The following IQGAP3 variants were observed in gnomAD, a reference collection of about 807,000 sequenced individuals.
IQGAP3 encodes the protein IQ motif containing GTPase activating protein 3.
IQGAP3 carries 165 observed loss-of-function variants against 208.2 expected under a neutral mutation model. The ratio of observed to expected loss-of-function variants is 0.79; its 90% CI spans 0.70 to 0.90. The LOEUF (loss-of-function observed/expected upper bound fraction) is 0.90. Among genes scored for constraint, IQGAP3 ranks in the 40% least tolerant of loss-of-function variants. The pLI, the probability that IQGAP3 is intolerant of heterozygous loss-of-function variation, is 0.00. For synonymous variants in IQGAP3, 703 were observed against 803.6 expected, an observed-to-expected ratio of 0.87 and a Z score of 2.12; for missense variants, 1,811 against 2,043.1, an observed-to-expected ratio of 0.89 and a Z score of 2.19.
chr1:156,570,136 C>CT (rs1175054818), intron 1 of IQGAP3, among the ~76,000 whole-genome samples: 1 of 152,190 alleles, frequency 6.6e-6, no homozygotes, highest in East Asian at 1.9e-4. Context: ...TGGTTACTCT[C>CT]TCAGAGGTGA....
At chr1:156,566,635 A>T (rs1422408039) in intron 2 of IQGAP3, 89 bp from the exon 3 acceptor site, 3 of 1,284,616 alleles carry the variant, frequency 2.3e-6, no homozygotes, top group Non-Finnish European at 3.3e-6. Context: ...CCCTCCTTTT[A>T]AGTGGCCCCT....
At chr1:156,529,559 C>A (rs1460287577) in intron 34 of IQGAP3, among the ~76,000 whole-genome samples, 2 of 151,952 alleles carry the variant, frequency 1.3e-5, no homozygotes. Flanking sequence ...CTAAGGTGGG[C>A]AGATTACTTG....
intron 2 of IQGAP3, among the ~76,000 whole-genome samples, chr1:156,567,069 G>A (rs1324015531): frequency 3.9e-5 from 6 of 152,072 alleles, no homozygotes; most frequent in African/African-American, 7.2e-5. Context: ...GTTTCTCCAT[G>A]TTGGTCAGGC....
intron 31 of IQGAP3, 52 bp from the exon 32 acceptor site, chr1:156,533,158 C>T: frequency 6.2e-7 from 1 of 1,602,396 alleles, no homozygotes; most frequent in Non-Finnish European, 8.5e-7. Context: ...CACACATGCG[C>T]ACACACACAT....
intron 2 of IQGAP3, among the ~76,000 whole-genome samples, chr1:156,568,508 C>T (rs1676502641): frequency 1.3e-5 from 2 of 152,202 alleles, no homozygotes; most frequent in East Asian, 1.9e-4. Context: ...TGAGCCACAG[C>T]GCCCATCCAG....
intron 31 of IQGAP3, 38 bp from the exon 32 acceptor site, chr1:156,533,144 C>T: frequency 6.2e-7 from 1 of 1,604,160 alleles, no homozygotes; most frequent in Non-Finnish European, 8.5e-7. Flanking sequence ...GACAGGCATA[C>T]ACACACACAT....
intron 12 of IQGAP3, 122 bp downstream of exon 12, chr1:156,556,411 C>A: frequency 1.1e-6 from 1 of 876,868 alleles, no homozygotes; most frequent in African/African-American, 1.7e-5. Context: ...TAGCTCTTTC[C>A]CCATCCTAAT....
At chr1:156,552,320 T>C (rs765401668) in intron 13 of IQGAP3, among the ~76,000 whole-genome samples, 4 of 152,162 alleles carry the variant, frequency 2.6e-5, no homozygotes, top group Admixed American at 1.3e-4. Context: ...CTCTTCTCTC[T>C]CCATACTTAC....
At chr1:156,567,835 G>A (rs148767302) in intron 2 of IQGAP3, among the ~76,000 whole-genome samples, 133 of 152,322 alleles carry the variant, frequency 8.7e-4, no homozygotes, top group African/African-American at 3.2e-3. Context: ...ATGAGGGAAT[G>A]TTCTTTAGGA....
intron 22 of IQGAP3, among the ~76,000 whole-genome samples, chr1:156,541,211 C>T (rs1453173186): frequency 6.6e-6 from 1 of 151,992 alleles, no homozygotes. Context: ...ACACCAAAGC[C>T]AGAGCCACAG....
intron 5 of IQGAP3, among the ~76,000 whole-genome samples, chr1:156,564,200 A>G (rs1189503897): frequency 6.6e-6 from 1 of 152,146 alleles, no homozygotes; most frequent in African/African-American, 2.4e-5. Flanking sequence ...CATGGTAAAC[A>G]CAAGGAACCG....
In IQGAP3 at chr1:156,555,111, T is replaced by A. The variant is rs114095596; in HGVS notation, c.1291-719A>T. 4.9e-3 allele frequency among the ~76,000 whole-genome samples: 747 copies of A among 151,890 alleles called. 5 individuals are homozygous for A. The highest frequency in any genetic ancestry group is 0.017 in the African/African-American group (718 of 41,412). On this transcript the variant is annotated intron_variant, in intron 12 of 37. Coordinates refer to ENST00000361170, the MANE Select transcript of IQGAP3 (RefSeq NM_178229.5). ...TGGGTATACAGAGATGAAGATGGAG[T>A]GGTCGCCTCCACACTGCACTGCACC...
chr1:156,555,573 A>C (rs1247460437), intron 12 of IQGAP3, among the ~76,000 whole-genome samples: 2 of 152,188 alleles, frequency 1.3e-5, no homozygotes. Flanking sequence ...CAACAACAAT[A>C]ATATTAATAG....
chr1:156,563,363 T>G (rs371077823), intron 7 of IQGAP3, 51 bp from the exon 8 acceptor site: 1 of 1,534,088 alleles, frequency 6.5e-7, no homozygotes, highest in Middle Eastern at 1.8e-4. Flanking sequence ...AATCCCAGAT[T>G]GGAGCGCAAC....
intron 11 of IQGAP3, among the ~76,000 whole-genome samples, chr1:156,559,533 G>A (rs987511838): frequency 2.0e-5 from 3 of 152,176 alleles, no homozygotes; most frequent in African/African-American, 4.8e-5. Context: ...TCCACCTCCC[G>A]CCACCCCCAC....
At chr1:156,569,526 G>GTA in intron 1 of IQGAP3, 63 bp from the exon 2 acceptor site, 62 of 376,310 alleles carry the variant, frequency 1.6e-4, no homozygotes, top group Non-Finnish European at 2.1e-4. Context: ...GCACTGAAGG[G>GTA]TCTTTTTTTT....
At chr1:156,529,858 T>C (rs1432698055) in intron 34 of IQGAP3, among the ~76,000 whole-genome samples, 2 of 139,498 alleles carry the variant, frequency 1.4e-5, no homozygotes, top group Non-Finnish European at 3.0e-5. Flanking sequence ...GAGGTGAAGG[T>C]TGCAGTGAGC....
intron 1 of IQGAP3, among the ~76,000 whole-genome samples, chr1:156,571,802 A>C (rs1487522466): frequency 1.3e-5 from 2 of 152,222 alleles, no homozygotes; most frequent in East Asian, 3.8e-4. Context: ...TGGTGGAAGG[A>C]GCAGGTTTTC....
rs745895086 is a variant in IQGAP3 at position 156,534,543 on chromosome 1, C to G, written c.3698G>C (p.Arg1233Pro). Residue 1233 changes from arginine (R) to proline (P), a missense_variant, in exon 29 of 38, where the codon CGG becomes CCG. By Grantham distance (103) the Arg-to-Pro change is moderately radical (BLOSUM62 -2). Transcript: ENST00000361170. The part of the protein sequence containing the change: ...KAFSGQSQHL[R>P]VLNDYLEETH... ...TTCCTCCAGATAGTCATTCAGGACC[C>G]GTAGGTGCTGGCTCTGCCCAGAGAA... 5.0e-6 allele frequency: 8 copies of G among 1,604,538 alleles called. No individual in the cohort carries two copies. In the East Asian group the frequency reaches 1.3e-4, roughly 27 times the overall value.
Sources: allele counts gnomAD v4.1 joint callset (sites outside exome capture counted in the v4.1 genomes callset), GRCh38; gene constraint gnomAD v4.1.1; transcripts MANE v1.5; gene names NCBI Gene and HGNC (gene_info 2026-07-23, HGNC 2026-07-21).